The following RAVER2 variants were observed in gnomAD, a reference collection of about 807,000 sequenced individuals.
The protein encoded by RAVER2 is ribonucleoprotein PTB-binding 2.
RAVER2 carries 46 observed loss-of-function variants against 78.1 expected under a neutral mutation model. The observed-to-expected ratio is 0.59, with a 90% CI of 0.46 to 0.75. RAVER2 has a LOEUF of 0.75. Ranked by LOEUF, RAVER2 falls within the 30% of genes least tolerant of loss-of-function variation. The probability of loss-of-function intolerance (pLI) is 0.00; values close to 1 mark genes in which losing one functional copy is unlikely to be tolerated. For synonymous variants in RAVER2, 311 were observed against 313.3 expected (o/e 0.99, Z 0.08); for missense variants, 793 against 837.5 (o/e 0.95, Z 0.66).
intron 11 of RAVER2, among the ~76,000 whole-genome samples, chr1:64,822,950 T>C (rs1653921763): frequency 6.6e-6 from 1 of 152,188 alleles, no homozygotes; most frequent in South Asian, 2.1e-4. Context: ...ACATATGATA[T>C]TCCATTTATA....
intron 5 of RAVER2, among the ~76,000 whole-genome samples, chr1:64,799,448 T>C (rs921624757): frequency 2.6e-5 from 4 of 152,142 alleles, no homozygotes; most frequent in Non-Finnish European, 5.9e-5. Flanking sequence ...TTTGTTGTTA[T>C]TTGTTTGTTT....
intron 9 of RAVER2, among the ~76,000 whole-genome samples, chr1:64,809,792 G>A (rs1326831218): frequency 1.3e-5 from 2 of 152,090 alleles, no homozygotes; most frequent in South Asian, 4.1e-4. Context: ...GGTAACCACC[G>A]TTTCTACTTT....
chr1:64,833,153 C>CTGTT (rs1469372315), exon 12 of RAVER2: 3 of 182,096 alleles, frequency 1.6e-5, no homozygotes, highest in African/African-American at 2.4e-5. Context: ...CAAAACTATA[C>CTGTT]TGTTATTTTT....
chr1:64,829,469 C>T (rs1471783869), intron 11 of RAVER2, among the ~76,000 whole-genome samples: 1 of 152,156 alleles, frequency 6.6e-6, no homozygotes, highest in African/African-American at 2.4e-5. Flanking sequence ...GCGAAGGGGC[C>T]CTAATGAAGA....
chr1:64,809,210 A>G (rs533073793), intron 9 of RAVER2, among the ~76,000 whole-genome samples: 1 of 152,302 alleles, frequency 6.6e-6, no homozygotes, highest in East Asian at 1.9e-4. Context: ...GCAAAGAGAA[A>G]GTTTATTTCA....
Position 64,761,396 on chromosome 1 carries a change from T to A in RAVER2, c.250-7260T>A, listed in dbSNP as rs1652017017. ...GTTTCAAAAGAGGGAGAAGGGAATA[T>A]ATAGGCTTGGAGCTTGGGAGAGAAG... On this transcript the variant is annotated intron_variant, in intron 1 of 11. Transcript: ENST00000294428. Among the ~76,000 whole-genome samples, 2 of 152,194 alleles carry A rather than the reference T, an allele frequency of 1.3e-5. 1 individual carries two copies. The highest frequency in any genetic ancestry group is 4.1e-4 in the South Asian group (2 of 4,828).
intron 1 of RAVER2, among the ~76,000 whole-genome samples, chr1:64,752,215 G>A (rs1358347725): frequency 6.6e-6 from 1 of 152,224 alleles, no homozygotes; most frequent in Non-Finnish European, 1.5e-5. Context: ...TTTTATGGTT[G>A]CACTTGGCCA....
At chr1:64,795,028 C>T (rs1177822649) in intron 5 of RAVER2, among the ~76,000 whole-genome samples, 1 of 151,526 alleles carries the variant, frequency 6.6e-6, no homozygotes. Flanking sequence ...TTTTTTTTTA[C>T]ATATAGTTAT....
chr1:64,766,388 C>G (rs568859583), intron 1 of RAVER2, among the ~76,000 whole-genome samples: 14 of 152,176 alleles, frequency 9.2e-5, no homozygotes, highest in African/African-American at 3.4e-4. Flanking sequence ...TTAATTTGGC[C>G]AACTTACCAA....
At position 64,745,662 on chromosome 1, in the gene RAVER2, G is replaced by C. The variant is rs1040781130; in HGVS notation, c.249+241G>C. On this transcript the variant is annotated intron_variant, in intron 1 of 11. Transcript: ENST00000294428. This position sits in a 1 kb window ranked among gnomAD's most constrained non-coding sequence, Gnocchi z 4.3. ...GGCGAAGCGGCTTCTCCAAGGTCAC[G>C]GGAATCAGGGGCTGCTGCCTCCAAG... Among the ~76,000 whole-genome samples the C allele has an allele frequency of 5.3e-5, 8 of 152,114 alleles. No individual in the cohort carries two copies. Among genetic ancestry groups the C allele is most frequent in the African/African-American group, 1.9e-4 (8 of 41,428 alleles).
intron 4 of RAVER2, among the ~76,000 whole-genome samples, chr1:64,787,674 T>G (rs1408730919): frequency 6.6e-6 from 1 of 152,222 alleles, no homozygotes; most frequent in Non-Finnish European, 1.5e-5. Context: ...TGCACTTGTG[T>G]GCCATCCTGC....
At chr1:64,830,740 T>C in intron 11 of RAVER2, 99 bp from the exon 12 acceptor site, 1 of 1,133,526 alleles carries the variant, frequency 8.8e-7, no homozygotes, top group Non-Finnish European at 1.3e-6. Flanking sequence ...TGTTATTCTA[T>C]ATTCACCAAG....
rs79597317 is a variant in RAVER2 at position 64,758,499 on chromosome 1, C to T, written c.250-10157C>T. Among the ~76,000 whole-genome samples the T allele has an allele frequency of 3.5e-3, 537 of 152,164 alleles. 7 individuals are homozygous for T. The highest frequency in any genetic ancestry group is 0.012 in the African/African-American group (500 of 41,506). On this transcript the variant is annotated intron_variant, in intron 1 of 11. Transcript: ENST00000294428. Reference sequence around the variant, plus strand: ...TTCGAGGATTGAAGCACAAGAAAGACGTGATTCGCTGTTTGTTGCTGGGTC... The same window carrying T: ...TTCGAGGATTGAAGCACAAGAAAGATGTGATTCGCTGTTTGTTGCTGGGTC...
intron 1 of RAVER2, among the ~76,000 whole-genome samples, chr1:64,759,100 TGTAA>T (rs1341895768): frequency 6.6e-6 from 1 of 151,916 alleles, no homozygotes; most frequent in Non-Finnish European, 1.5e-5. Flanking sequence ...ATTTGAGCTA[TGTAA>T]GTATTTTCTT....
chr1:64,811,109 A>G (rs138776669), intron 9 of RAVER2, among the ~76,000 whole-genome samples: 567 of 152,328 alleles, frequency 3.7e-3, no homozygotes, highest in Non-Finnish European at 5.6e-3. Context: ...TACAGACCGT[A>G]CATGGCACCA....
intron 11 of RAVER2, among the ~76,000 whole-genome samples, chr1:64,819,350 AATACACTAG>A (rs1265546798): frequency 6.6e-6 from 1 of 152,160 alleles, no homozygotes; most frequent in Non-Finnish European, 1.5e-5. Flanking sequence ...ATCTGAAATA[AATACACTAG>A]ATGGGCATAG....
At chr1:64,809,685 C>T (rs2100881784) in intron 9 of RAVER2, among the ~76,000 whole-genome samples, 1 of 151,736 alleles carries the variant, frequency 6.6e-6, no homozygotes, top group South Asian at 2.1e-4. Flanking sequence ...TGTTGTGCAG[C>T]ATCATTACTC....
intron 1 of RAVER2, among the ~76,000 whole-genome samples, chr1:64,747,504 T>A (rs1184426919): frequency 1.1e-4 from 16 of 151,930 alleles, no homozygotes; most frequent in Non-Finnish European, 2.2e-4. Context: ...ATTCATTCAT[T>A]TCTTTCTTTC....
intron 1 of RAVER2, among the ~76,000 whole-genome samples, chr1:64,760,636 G>C (rs1651994154): frequency 6.6e-6 from 1 of 152,034 alleles, no homozygotes; most frequent in Non-Finnish European, 1.5e-5. Context: ...AGTGTATAGG[G>C]CATGTTAGGG....
Sources: gnomAD v4.1 joint callset for allele counts (sites outside exome capture counted in the v4.1 genomes callset) on GRCh38, gnomAD v4.1.1 for gene constraint, Gnocchi (gnomAD v3.1) non-coding constraint, MANE v1.5 for transcripts, NCBI Gene and HGNC (gene_info 2026-07-23, HGNC 2026-07-21) for gene names.